The following SLC1A4 variants were observed in gnomAD, a reference collection of about 807,000 sequenced individuals.
The protein encoded by SLC1A4 is neutral amino acid transporter A.
SLC1A4 carries 19 observed loss-of-function variants against 37.7 expected under a neutral mutation model. The observed-to-expected ratio is 0.50, with a 90% CI of 0.35 to 0.74. The LOEUF is 0.74. Among genes scored for constraint, SLC1A4 ranks in the 30% least tolerant of loss-of-function variants. SLC1A4 has a pLI of 0.01. For synonymous variants in SLC1A4, 299 were observed against 309.8 expected (o/e 0.97, Z 0.37); for missense variants, 570 against 712.9 (o/e 0.80, Z 2.28).
intron 1 of SLC1A4, among the ~76,000 whole-genome samples, chr2:64,996,275 C>A (rs1673250096): frequency 6.6e-6 from 1 of 152,162 alleles, no homozygotes; most frequent in South Asian, 2.1e-4. Context: ...ATATTTTTGT[C>A]TAATGTATTT....
At chr2:65,010,788 C>T in intron 4 of SLC1A4, 25 bp downstream of exon 4, 1 of 1,595,450 alleles carries the variant, frequency 6.3e-7, no homozygotes, top group Non-Finnish European at 8.5e-7. Context: ...GCTGCCTACT[C>T]TCTCTCTCCT....
At chr2:65,010,324 A>G (rs1405594920) in intron 3 of SLC1A4, among the ~76,000 whole-genome samples, 1 of 152,160 alleles carries the variant, frequency 6.6e-6, no homozygotes, top group Non-Finnish European at 1.5e-5. Context: ...CATGACAGGG[A>G]GCCCACTACC....
chr2:65,001,638 C>A, intron 2 of SLC1A4, 148 bp downstream of exon 2: 3 of 594,956 alleles, frequency 5.0e-6, no homozygotes, highest in Non-Finnish European at 8.9e-6. Context: ...TCAATGGGTA[C>A]CTAGAGTTAA....
chr2:65,007,938 C>T (rs1176180034), intron 3 of SLC1A4, among the ~76,000 whole-genome samples: 4 of 152,150 alleles, frequency 2.6e-5, no homozygotes, highest in African/African-American at 4.8e-5. Context: ...TTCTATCAAC[C>T]TGTACATTTG....
At chr2:64,991,292 A>C (rs1386221666) in intron 1 of SLC1A4, among the ~76,000 whole-genome samples, 1 of 151,232 alleles carries the variant, frequency 6.6e-6, no homozygotes, top group African/African-American at 2.4e-5. Flanking sequence ...AAAACAACAA[A>C]AATCTAGGAC....
chr2:65,008,432 G>A (rs1412998069), intron 3 of SLC1A4, among the ~76,000 whole-genome samples: 1 of 152,154 alleles, frequency 6.6e-6, no homozygotes, highest in Non-Finnish European at 1.5e-5. Context: ...AAGCCCAGGA[G>A]TTTGAGACCG....
chr2:65,008,952 C>A (rs914048461), intron 3 of SLC1A4, among the ~76,000 whole-genome samples: 5 of 152,214 alleles, frequency 3.3e-5, no homozygotes, highest in African/African-American at 1.2e-4. Context: ...TAGTGAAAGT[C>A]AGGCTCCAAA....
At chr2:64,998,413 T>C (rs1174742816) in intron 1 of SLC1A4, among the ~76,000 whole-genome samples, 1 of 149,060 alleles carries the variant, frequency 6.7e-6, no homozygotes, top group Non-Finnish European at 1.5e-5. Flanking sequence ...AGTGAGACTC[T>C]GTCTCCAAAA....
intron 1 of SLC1A4, among the ~76,000 whole-genome samples, chr2:64,999,067 G>C (rs532603313): frequency 1.3e-5 from 2 of 152,314 alleles, no homozygotes; most frequent in South Asian, 4.1e-4. Context: ...GCCAAAGGTA[G>C]TCCCCAAGAC....
intron 3 of SLC1A4, among the ~76,000 whole-genome samples, chr2:65,005,978 G>A (rs527386280): frequency 5.9e-5 from 9 of 152,172 alleles, no homozygotes; most frequent in Non-Finnish European, 1.2e-4. Context: ...ACTCCAGCCT[G>A]GGCAACAGAG....
At chr2:65,003,646 A>G (rs1051363604) in intron 2 of SLC1A4, among the ~76,000 whole-genome samples, 2 of 152,256 alleles carry the variant, frequency 1.3e-5, no homozygotes, top group African/African-American at 4.8e-5. Context: ...GAAATATCAA[A>G]TTATCAGCAT....
rs1359054262 is a variant in SLC1A4 at position 65,022,318 on chromosome 2, G to A, written c.*1172G>A. 6.6e-6 allele frequency: 1 copy of A among 152,218 alleles called. No homozygotes were observed. The highest frequency in any genetic ancestry group is 2.4e-5 in the African/African-American group (1 of 41,440). The allele number at this position is 152,218 out of a possible 1,614,324, so 9.4% of individuals were successfully genotyped here. On this transcript the variant is annotated 3_prime_UTR_variant, in exon 8 of 8. Transcript: ENST00000234256. ...TGTTTTTCCAATTACCTGCTGACAC[G>A]GTTCTAAGCTAAGTGAAGGGGAAGA...
chr2:64,997,636 A>AT (rs1449440329), intron 1 of SLC1A4, among the ~76,000 whole-genome samples: 1 of 152,192 alleles, frequency 6.6e-6, no homozygotes, highest in Non-Finnish European at 1.5e-5. Context: ...GTTGTTGCGT[A>AT]TATCACTTGG....
intron 4 of SLC1A4, among the ~76,000 whole-genome samples, chr2:65,014,667 A>G (rs530665658): frequency 6.6e-6 from 1 of 152,372 alleles, no homozygotes; most frequent in South Asian, 2.1e-4. Flanking sequence ...GTGATATGGA[A>G]TAACCACTTT....
chr2:64,991,853 G>A (rs1396916530), intron 1 of SLC1A4, among the ~76,000 whole-genome samples: 1 of 151,980 alleles, frequency 6.6e-6, no homozygotes, highest in Non-Finnish European at 1.5e-5. Flanking sequence ...CACCCGCCTC[G>A]GCCTCCCAAA....
intron 2 of SLC1A4, among the ~76,000 whole-genome samples, chr2:65,002,424 C>T (rs13010290): frequency 5.3e-5 from 8 of 151,528 alleles, no homozygotes; most frequent in Non-Finnish European, 8.8e-5. Context: ...AGCTACCCTT[C>T]TGCATAACGC....
chr2:65,002,437 C>T (rs1673504400), intron 2 of SLC1A4, among the ~76,000 whole-genome samples: 3 of 151,534 alleles, frequency 2.0e-5, no homozygotes, highest in Admixed American at 6.6e-5. Flanking sequence ...CATAACGCCA[C>T]GGCTGTAGAG....
chr2:65,015,724 C>T (rs535302116), intron 4 of SLC1A4, among the ~76,000 whole-genome samples: 34 of 152,260 alleles, frequency 2.2e-4, no homozygotes, highest in Middle Eastern at 6.8e-3. Context: ...CTTTTGTACC[C>T]CTTGAAATTT....
intron 5 of SLC1A4, among the ~76,000 whole-genome samples, chr2:65,017,510 A>AC (rs1211941782): frequency 1.3e-5 from 2 of 152,054 alleles, no homozygotes; most frequent in African/African-American, 4.8e-5. Flanking sequence ...AAAAAAAAAA[A>AC]ATTAGGGAAG....
Sources: gnomAD v4.1 joint callset for allele counts (sites outside exome capture counted in the v4.1 genomes callset) on GRCh38, gnomAD v4.1.1 for gene constraint, MANE v1.5 for transcripts, NCBI Gene and HGNC (gene_info 2026-07-23, HGNC 2026-07-21) for gene names.